Variants in THSD7B observed in about 807,000 individuals in gnomAD.
THSD7B encodes the protein thrombospondin type-1 domain-containing protein 7B.
A neutral mutation model predicts 213.6 loss-of-function variants in THSD7B; 138 were observed. The ratio of observed to expected loss-of-function variants is 0.65; its 90% CI spans 0.56 to 0.74. THSD7B has a LOEUF of 0.74. Ranked by LOEUF, THSD7B falls within the 30% of genes least tolerant of loss-of-function variation. The probability of loss-of-function intolerance (pLI) is 0.00; values close to 1 mark genes in which losing one functional copy is unlikely to be tolerated. For synonymous variants in THSD7B, 742 were observed against 687.0 expected (o/e 1.08, Z -1.25); for missense variants, 1,931 against 1,991.5 (o/e 0.97, Z 0.58).
intron 2 of THSD7B, among the ~76,000 whole-genome samples, chr2:136,998,724 G>A (rs908276655): frequency 6.6e-6 from 1 of 152,024 alleles, no homozygotes; most frequent in Non-Finnish European, 1.5e-5. Context: ...TACTGCTGCT[G>A]GTGGTTTCTT....
intron 7 of THSD7B, among the ~76,000 whole-genome samples, chr2:137,230,831 T>C (rs1681622049): frequency 6.6e-6 from 1 of 152,246 alleles, no homozygotes; most frequent in African/African-American, 2.4e-5. Context: ...AAGCCAACTT[T>C]GTCTCTATGA....
chr2:137,050,030 G>T (rs1263599276), intron 2 of THSD7B, among the ~76,000 whole-genome samples: 1 of 152,174 alleles, frequency 6.6e-6, no homozygotes, highest in Non-Finnish European at 1.5e-5. Flanking sequence ...TGCTCCAAAT[G>T]ATTGTGTGAC....
intron 4 of THSD7B, among the ~76,000 whole-genome samples, chr2:137,101,658 A>C (rs1286097439): frequency 6.6e-6 from 1 of 152,194 alleles, no homozygotes; most frequent in Non-Finnish European, 1.5e-5. Context: ...TCTCGCTGCC[A>C]GCACAGCAGT....
chr2:137,520,622 G>C (rs1305069192), intron 15 of THSD7B, among the ~76,000 whole-genome samples: 2 of 152,208 alleles, frequency 1.3e-5, no homozygotes, highest in Non-Finnish European at 2.9e-5. Context: ...CACTGCTACA[G>C]TAGGAGTGCT....
chr2:137,273,037 C>G (rs1170393692), intron 11 of THSD7B, among the ~76,000 whole-genome samples: 1 of 149,216 alleles, frequency 6.7e-6, no homozygotes, highest in South Asian at 2.1e-4. Flanking sequence ...CACACACACA[C>G]ACACACACAC....
chr2:137,366,480 G>T (rs1293136316), intron 12 of THSD7B, among the ~76,000 whole-genome samples: 1 of 152,000 alleles, frequency 6.6e-6, no homozygotes, highest in Non-Finnish European at 1.5e-5. Flanking sequence ...AGACTTTTGG[G>T]AAGGATCAAA....
intron 1 of THSD7B, among the ~76,000 whole-genome samples, chr2:136,827,685 T>C (rs1221924712): frequency 1.3e-5 from 2 of 152,108 alleles, no homozygotes; most frequent in Admixed American, 1.3e-4. Flanking sequence ...AAGATACAGG[T>C]AAATTTCTTG....
chr2:137,116,018 A>C (rs1008288277), intron 5 of THSD7B, among the ~76,000 whole-genome samples: 3 of 152,202 alleles, frequency 2.0e-5, no homozygotes, highest in Non-Finnish European at 2.9e-5. Flanking sequence ...AAAGGTGGGA[A>C]TGTTTCCTTG....
rs190403693 is a variant in THSD7B, at chr2:137,007,927, A to G, written c.140-48493A>G. 1.7e-4 allele frequency among the ~76,000 whole-genome samples: 26 copies of G among 152,260 alleles called. No homozygotes were observed. In the East Asian group the frequency reaches 2.7e-3, roughly 16 times the overall value. On this transcript the variant is annotated intron_variant, in intron 2 of 27. Transcript: ENST00000409968. ...AACAAATATCCATTATAAAACATGG[A>G]CAAATATGTGGACCACCTTTATGAA...
chr2:137,061,231 G>T (rs1400385526), intron 3 of THSD7B, among the ~76,000 whole-genome samples: 1 of 151,192 alleles, frequency 6.6e-6, no homozygotes, highest in Non-Finnish European at 1.5e-5. Context: ...ATTATCCAGA[G>T]ATTTTCATTG....
chr2:137,664,376 ATTATGTAT>A (rs1683409026), intron 26 of THSD7B, among the ~76,000 whole-genome samples: 1 of 152,116 alleles, frequency 6.6e-6, no homozygotes, highest in African/African-American at 2.4e-5. Context: ...CTGTTTTGTG[ATTATGTAT>A]AGTTTCTTAA....
chr2:137,357,256 C>G (rs911573106), intron 12 of THSD7B, among the ~76,000 whole-genome samples: 4 of 152,104 alleles, frequency 2.6e-5, no homozygotes, highest in Non-Finnish European at 4.4e-5. Context: ...TCAAATGTAT[C>G]TATGCTTCAA....
intron 4 of THSD7B, among the ~76,000 whole-genome samples, chr2:137,096,610 A>G (rs1446328515): frequency 6.6e-6 from 1 of 152,196 alleles, no homozygotes; most frequent in Non-Finnish European, 1.5e-5. Flanking sequence ...TCAGCCTCAC[A>G]GAACCCTTCC....
At chr2:136,855,700 G>A (rs1683170857) in intron 1 of THSD7B, among the ~76,000 whole-genome samples, 1 of 151,834 alleles carries the variant, frequency 6.6e-6, no homozygotes, top group Non-Finnish European at 1.5e-5. Context: ...TCGAACTCCT[G>A]ACCTCAGGTG....
rs1682511836 is a variant in THSD7B, at chr2:137,263,846, T to A, written c.2267-8687T>A. 1.3e-5 allele frequency among the ~76,000 whole-genome samples: 2 copies of A among 152,200 alleles called. 1 individual carries two copies. The highest frequency in any genetic ancestry group is 4.1e-4 in the South Asian group (2 of 4,834). On this transcript the variant is annotated intron_variant, in intron 10 of 27. Transcript: ENST00000409968. ...AAAACCTTCCTACTCATAGTTCTAC[T>A]AGGGCATTGCATTTTTTTAAGCACT...
At chr2:137,665,684 G>A (rs949674764) in intron 26 of THSD7B, among the ~76,000 whole-genome samples, 5 of 151,922 alleles carry the variant, frequency 3.3e-5, no homozygotes, top group South Asian at 2.1e-4. Flanking sequence ...AAAGAAGTCC[G>A]TAAATTATAT....
chr2:137,322,280 C>T (rs778473536), intron 12 of THSD7B, among the ~76,000 whole-genome samples: 2 of 152,142 alleles, frequency 1.3e-5, no homozygotes, highest in Admixed American at 1.3e-4. Context: ...AGTTCCCGTC[C>T]CAGGTCTGCC....
intron 2 of THSD7B, among the ~76,000 whole-genome samples, chr2:136,894,576 C>T (rs1449814371): frequency 3.3e-5 from 5 of 152,146 alleles, no homozygotes; most frequent in Admixed American, 1.3e-4. Flanking sequence ...TTTCTATACT[C>T]AAAGTACATA....
rs139081398 is a variant in THSD7B at position 136,931,204 on chromosome 2, G to A, written c.139+48887G>A. Among the ~76,000 whole-genome samples, 8 of 152,232 alleles carry A rather than the reference G, an allele frequency of 5.3e-5. No individual in the cohort carries two copies. The East Asian group carries it at 5.8e-4, about 11-fold the overall frequency. The stretch of plus-strand genomic sequence containing the variant: ...AGGTCAGATCAATGACAAGTAGGTC[G>A]AAGGGAAATATGTATATACATGTGT... On this transcript the variant is annotated intron_variant, in intron 2 of 27. Transcript: ENST00000409968.
Sources: gnomAD v4.1 joint callset for allele counts (sites outside exome capture counted in the v4.1 genomes callset) on GRCh38, gnomAD v4.1.1 for gene constraint, MANE v1.5 for transcripts, NCBI Gene and HGNC (gene_info 2026-07-23, HGNC 2026-07-21) for gene names.